The following NME2 variants were observed in gnomAD, a reference collection of about 807,000 sequenced individuals.
NME2 encodes nucleoside diphosphate kinase B.
NME2 carries 18 observed loss-of-function variants against 17.8 expected under a neutral mutation model. That is an observed-to-expected ratio of 1.01 (90% CI 0.70 to 1.50). The LOEUF (loss-of-function observed/expected upper bound fraction) is 1.50, where lower values mean the gene tolerates loss of function less well. NME2 is among the 40% of genes most tolerant of loss of function. The probability of loss-of-function intolerance (pLI) is 0.00; values close to 1 mark genes in which losing one functional copy is unlikely to be tolerated. For missense variants in NME2, 161 were observed against 195.6 expected (o/e 0.82, Z 1.05); for synonymous variants, 74 against 71.4 (o/e 1.04, Z -0.19).
At chr17:51,171,203 G>A (rs567405938) in intron 4 of NME2, among the ~76,000 whole-genome samples, 1 of 152,278 alleles carries the variant, frequency 6.6e-6, no homozygotes, top group African/African-American at 2.4e-5. Flanking sequence ...CAAAATTTGC[G>A]GAGGAGTGTT....
intron 3 of NME2, among the ~76,000 whole-genome samples, chr17:51,168,551 A>ATC (rs2049996625): frequency 6.6e-6 from 1 of 152,086 alleles, no homozygotes; most frequent in South Asian, 2.1e-4. Flanking sequence ...CACGGCTGTA[A>ATC]TCTCAGCTAC....
At chr17:51,166,582 C>T in intron 1 of NME2, 85 bp downstream of exon 1, 1 of 274,904 alleles carries the variant, frequency 3.6e-6, no homozygotes, top group Non-Finnish European at 6.6e-6. Flanking sequence ...GGTCTGTGGG[C>T]GCCCCCCGAT....
At chr17:51,169,790 T>A (rs1469871368) in intron 3 of NME2, 147 bp from the exon 4 acceptor site, 10 of 662,820 alleles carry the variant, frequency 1.5e-5, no homozygotes, top group Non-Finnish European at 2.5e-5. Flanking sequence ...GCAGTTTTTA[T>A]ATAGGCCCCT....
rs199806386 is a variant in NME2 at position 51,166,812 on chromosome 17, C to T, written c.-4-15C>T. ...AGCCTGCGCCCGGGCCCTGACCGCA[C>T]CTCTCGCCCCGCAGGACCATGGCCA... On this transcript the variant is annotated splice_polypyrimidine_tract_variant and intron_variant, in intron 1 of 4. Transcript: ENST00000512737. The T allele has an allele frequency of 8.7e-6, 14 of 1,604,624 alleles. No homozygotes were observed. Among genetic ancestry groups the T allele is most frequent in the Admixed American group, 3.4e-5 (2 of 58,896 alleles).
rs2049958257 is a variant in NME2 at position 51,167,033 on chromosome 17, C to T, written c.126+77C>T. On this transcript the variant is annotated intron_variant, in intron 2 of 4. Coordinates refer to ENST00000512737, the MANE Select transcript of NME2 (RefSeq NM_002512.4). The stretch of plus-strand genomic sequence containing the variant: ...TTCCCTCCCGGCGGCGGTTTGTCCG[C>T]GTCTGCTTTCCGAGTTCATTTCGCT... 82 of 1,606,390 alleles carry T rather than the reference C, an allele frequency of 5.1e-5. 1 individual carries two copies. In the South Asian group the frequency reaches 8.5e-4, roughly 17 times the overall value.
chr17:51,167,088 G>C, intron 2 of NME2, 132 bp downstream of exon 2: 1 of 1,548,036 alleles, frequency 6.5e-7, no homozygotes, highest in Non-Finnish European at 8.7e-7. Context: ...CTCTGCCCCC[G>C]CCCACGGCGG....
intron 3 of NME2, among the ~76,000 whole-genome samples, chr17:51,168,916 T>A (rs2050007501): frequency 6.6e-6 from 1 of 151,714 alleles, no homozygotes; most frequent in Admixed American, 6.6e-5. Context: ...TGAGCCGAGA[T>A]CATGCCACTG....
intron 2 of NME2, among the ~76,000 whole-genome samples, chr17:51,167,815 CAAATAAAT>C (rs570408675): frequency 2.7e-4 from 41 of 152,112 alleles, no homozygotes; most frequent in African/African-American, 9.4e-4. Context: ...CCTGTCTCTA[CAAATAAAT>C]AAATAAATAA....
rs2049946294 is a variant in NME2 at position 51,166,686 on chromosome 17, C to A, written c.-4-141C>A. The stretch of plus-strand genomic sequence containing the variant: ...GCTCCGCAGAGGGACGCCGGCCCTG[C>A]GCGGGGCGGAAGCGGCCGGGAAGCC... On this transcript the variant is annotated intron_variant, in intron 1 of 4. Coordinates refer to ENST00000512737, the MANE Select transcript of NME2 (RefSeq NM_002512.4). 15 of 857,998 alleles carry A rather than the reference C, an allele frequency of 1.7e-5. No homozygotes were observed. The South Asian group carries it at 4.2e-4, about 24-fold the overall frequency. The allele number at this position is 857,998 out of a possible 1,614,324, so 53.1% of individuals were successfully genotyped here. A position where few individuals can be genotyped will look rare whatever the true frequency, so the allele number is the denominator to read the frequency against.
upstream of NME2, chr17:51,166,215 A>G (rs984432429): frequency 1.3e-5 from 2 of 152,516 alleles, no homozygotes; most frequent in Non-Finnish European, 2.9e-5. Flanking sequence ...AGTTGAACTC[A>G]TAGGACGTCC....
At chr17:51,169,166 G>A (rs1340659248) in intron 3 of NME2, among the ~76,000 whole-genome samples, 1 of 152,000 alleles carries the variant, frequency 6.6e-6, no homozygotes, top group Non-Finnish European at 1.5e-5. Context: ...AGAGTGGCTG[G>A]GCGAGGTGGC....
intron 3 of NME2, chr17:51,169,523 CT>C: frequency 1.3e-5 from 2 of 159,214 alleles, no homozygotes; most frequent in Non-Finnish European, 2.7e-5. Flanking sequence ...TCCTGTTCAC[CT>C]TTTTCTTCCT....
intron 3 of NME2, among the ~76,000 whole-genome samples, chr17:51,168,946 G>A (rs1386274586): frequency 3.3e-5 from 5 of 151,898 alleles, no homozygotes; most frequent in Non-Finnish European, 7.4e-5. Flanking sequence ...CTGGGCGACA[G>A]CAAGACTCCA....
chr17:51,169,992 A>G lies in NME2; in HGVS notation c.284A>G (p.Asn95Ser), dbSNP rs2050033612. ...GGCCGAGTGATGCTTGGGGAGACCA[A>G]TCCAGCAGATTCAAAGCCAGGCACC... ...KTGRVMLGET[N>S]PADSKPGTIR... is the part of the protein sequence containing the mutation. The change falls in exon 4 of 5, where the codon AAT becomes AGT. Residue 95 changes from asparagine (N) to serine (S), a missense_variant. Physicochemically the swap from Asn to Ser is conservative, Grantham distance 46. Coordinates refer to ENST00000512737, the MANE Select transcript of NME2 (RefSeq NM_002512.4). 5 of 1,613,320 alleles carry G rather than the reference A, an allele frequency of 3.1e-6. No individual in the cohort carries two copies. Among genetic ancestry groups the G allele is most frequent in the African/African-American group, 1.3e-5 (1 of 74,856 alleles).
chr17:51,170,078 C>T (rs1471797878), intron 4 of NME2, 29 bp downstream of exon 4: 1 of 1,550,648 alleles, frequency 6.4e-7, no homozygotes, highest in East Asian at 2.3e-5. Context: ...GGGTGGATGA[C>T]TTTTATGCAA....
Position 51,167,158 on chromosome 17 carries a change from C to G in NME2, c.126+202C>G. The G allele has an allele frequency of 3.4e-6, 4 of 1,180,864 alleles. No individual in the cohort carries two copies. In the South Asian group the frequency reaches 4.9e-5, roughly 14 times the overall value. The allele number at this position is 1,180,864 out of a possible 1,614,324, so 73.1% of individuals were successfully genotyped here. On this transcript the variant is annotated intron_variant, in intron 2 of 4. Coordinates refer to ENST00000512737, the MANE Select transcript of NME2 (RefSeq NM_002512.4). ...GACAGACGCCCTTGGGAAGGTGAAG[C>G]GCTGGTAGCGTGACTCGCCCTCCGG...
chr17:51,165,942 A>G (rs2049926925), upstream of NME2: 1 of 152,310 alleles, frequency 6.6e-6, no homozygotes, highest in Non-Finnish European at 1.5e-5. Flanking sequence ...AGGCTTAACC[A>G]GGGCTCAAGC....
chr17:51,169,191 C>G lies in NME2; in HGVS notation c.229-746C>G, dbSNP rs111299407. ...GGCGAGGTGGCTCACACCTGTAATC[C>G]CAGCACTTTGGGAGGCCGAGGTGGG... On this transcript the variant is annotated intron_variant, in intron 3 of 4. Transcript: ENST00000512737. Among the ~76,000 whole-genome samples, 550 of 151,956 alleles carry G rather than the reference C, an allele frequency of 3.6e-3. 2 individuals carry two copies. Among genetic ancestry groups the G allele is most frequent in the Non-Finnish European group, 6.2e-3 (422 of 67,966 alleles).
chr17:51,171,642 G>A lies in NME2; in HGVS notation c.*38G>A, dbSNP rs1568128674. 1 of 1,497,662 alleles carries A rather than the reference G, an allele frequency of 6.7e-7. No individual in the cohort carries two copies. 92.8% of individuals were successfully genotyped at this position (1,497,662 alleles called of 1,614,324 possible). A position where few individuals can be genotyped will look rare whatever the true frequency, so the allele number is the denominator to read the frequency against. ...ACAGCAGTCTCCTTCAGCACGGCGT[G>A]GTGTGTCCCTGGACACAGCTCTTCA... On this transcript the variant is annotated 3_prime_UTR_variant, in exon 5 of 5. Transcript: ENST00000512737.
Sources: gnomAD v4.1 joint callset for allele counts (sites outside exome capture counted in the v4.1 genomes callset) on GRCh38, gnomAD v4.1.1 for gene constraint, MANE v1.5 for transcripts, NCBI Gene and HGNC (gene_info 2026-07-23, HGNC 2026-07-21) for gene names.